Variants in BMPR1A observed in about 807,000 individuals in gnomAD.
The protein encoded by BMPR1A is bone morphogenetic protein receptor type-1A.
In BMPR1A, 7 loss-of-function variants were observed where a neutral mutation model predicts 66.0. That is an observed-to-expected ratio of 0.11 (90% CI 0.06 to 0.20). The LOEUF is 0.20. BMPR1A is among the 10% of genes least tolerant of loss of function. The pLI, the probability that BMPR1A is intolerant of heterozygous loss-of-function variation, is 1.00. For synonymous variants in BMPR1A, 200 were observed against 229.7 expected, an observed-to-expected ratio of 0.87 and a Z score of 1.17; for missense variants, 408 against 669.1, an observed-to-expected ratio of 0.61 and a Z score of 4.31.
At chr10:86,864,418 C>A (rs1017895938) in intron 2 of BMPR1A, among the ~76,000 whole-genome samples, 1 of 152,206 alleles carries the variant, frequency 6.6e-6, no homozygotes, top group African/African-American at 2.4e-5. Flanking sequence ...CGTAGCCTGT[C>A]TAATGACTTC....
At chr10:86,915,899 G>A (rs1312103999) in intron 8 of BMPR1A, among the ~76,000 whole-genome samples, 3 of 152,132 alleles carry the variant, frequency 2.0e-5, no homozygotes, top group African/African-American at 7.2e-5. Flanking sequence ...AACAATCCAT[G>A]TACATCTTTT....
rs1203877111 is a variant in BMPR1A at position 86,924,587 on chromosome 10, A to G, written c.*868A>G. On this transcript the variant is annotated 3_prime_UTR_variant, in exon 13 of 13. Coordinates refer to ENST00000372037, the MANE Select transcript of BMPR1A (RefSeq NM_004329.3). ...GTTGGAGCTTCTATTGCCATGAACC[A>G]TGCTTACAAAGAAAGCACTTCTTAT... 2 of 233,386 alleles carry G rather than the reference A, an allele frequency of 8.6e-6. No homozygotes were observed. The highest frequency in any genetic ancestry group is 1.7e-5 in the Non-Finnish European group (2 of 118,090). 14.5% of individuals were successfully genotyped at this position (233,386 alleles called of 1,614,324 possible). A position where few individuals can be genotyped will look rare whatever the true frequency, so the allele number is the denominator to read the frequency against.
rs562846635 is a variant in BMPR1A at position 86,846,823 on chromosome 10, G to T, written c.-153+7844G>T. Among the ~76,000 whole-genome samples the T allele has an allele frequency of 4.6e-5, 7 of 152,160 alleles. No homozygotes were observed. The South Asian group carries it at 1.0e-3, about 23-fold the overall frequency. ...CGCTTTCAGGCTTTTTGATTATTCT[G>T]CAACTCCAGAAAAAGAGGCTGTTTA... On this transcript the variant is annotated intron_variant, in intron 2 of 12. Transcript: ENST00000372037.
chr10:86,787,733 G>T (rs1235999800), intron 1 of BMPR1A, among the ~76,000 whole-genome samples: 2 of 152,174 alleles, frequency 1.3e-5, no homozygotes, highest in African/African-American at 4.8e-5. Flanking sequence ...GGCTGGAGAG[G>T]CCTCAGGAAA....
chr10:86,757,905 TTTTACG>T (rs1190945394), intron 1 of BMPR1A, among the ~76,000 whole-genome samples: 6 of 152,216 alleles, frequency 3.9e-5, no homozygotes, highest in Non-Finnish European at 8.8e-5. Flanking sequence ...TTGCAAACAC[TTTTACG>T]TTTAGGAACA....
intron 1 of BMPR1A, among the ~76,000 whole-genome samples, chr10:86,822,104 A>G (rs1842128194): frequency 6.6e-6 from 1 of 152,168 alleles, no homozygotes; most frequent in Non-Finnish European, 1.5e-5. Context: ...CTGGGATTAC[A>G]GACCCGAGCC....
chr10:86,791,554 C>T (rs180837626), intron 1 of BMPR1A, among the ~76,000 whole-genome samples: 20 of 151,548 alleles, frequency 1.3e-4, no homozygotes, highest in Non-Finnish European at 2.2e-4. Flanking sequence ...AGTAGAAATT[C>T]ACTAAGTGAT....
intron 1 of BMPR1A, among the ~76,000 whole-genome samples, chr10:86,821,583 A>G (rs1202085148): frequency 6.6e-6 from 1 of 152,060 alleles, no homozygotes; most frequent in Non-Finnish European, 1.5e-5. Flanking sequence ...TATACCTCCC[A>G]AGGCTGTACA....
chr10:86,808,098 C>A (rs1841917475), intron 1 of BMPR1A, among the ~76,000 whole-genome samples: 1 of 151,938 alleles, frequency 6.6e-6, no homozygotes, highest in African/African-American at 2.4e-5. Context: ...TAGATATAGG[C>A]CTATTTGGAT....
At chr10:86,837,247 C>CTGTGTGTATGTGTGTCTGTGTG (rs1842363956) in intron 1 of BMPR1A, among the ~76,000 whole-genome samples, 1 of 138,106 alleles carries the variant, frequency 7.2e-6, no homozygotes, top group African/African-American at 2.7e-5. Flanking sequence ...GTGTGTGTGT[C>CTGTGTGTATGTGTGTCTGTGTG]TGTGTGTGTG....
chr10:86,799,507 T>TTCCTTCC (rs1218527339), intron 1 of BMPR1A, among the ~76,000 whole-genome samples: 634 of 43,922 alleles, frequency 0.014, 4 homozygotes, highest in African/African-American at 0.052. Context: ...CCTTCCTTCC[T>TTCCTTCC]TTCTTTTCTT....
chr10:86,839,670 T>A (rs1477134606), intron 2 of BMPR1A, among the ~76,000 whole-genome samples: 1 of 151,274 alleles, frequency 6.6e-6, no homozygotes, highest in Non-Finnish European at 1.5e-5. Flanking sequence ...CTTTTTAGAA[T>A]TCAGAATTTT....
At chr10:86,756,436 T>C (rs1375762900), upstream of BMPR1A, 1 of 151,618 alleles carries the variant, frequency 6.6e-6, no homozygotes, top group Non-Finnish European at 1.5e-5. Flanking sequence ...CCGCGAACTC[T>C]TCGGGCGCTT....
At chr10:86,832,130 T>G in intron 1 of BMPR1A, among the ~76,000 whole-genome samples, 1 of 152,216 alleles carries the variant, frequency 6.6e-6, no homozygotes, top group East Asian at 1.9e-4. Context: ...AGTCTGTGAA[T>G]GCCCTTCTAA....
intron 3 of BMPR1A, among the ~76,000 whole-genome samples, chr10:86,883,396 A>C (rs1843018898): frequency 6.6e-6 from 1 of 151,458 alleles, no homozygotes; most frequent in Non-Finnish European, 1.5e-5. Context: ...TACAAATACA[A>C]AAAATTAGCC....
At chr10:86,822,522 G>A (rs971390246) in intron 1 of BMPR1A, among the ~76,000 whole-genome samples, 1 of 152,220 alleles carries the variant, frequency 6.6e-6, no homozygotes, top group African/African-American at 2.4e-5. Flanking sequence ...AATGTTTAGA[G>A]TCTGGCTGAT....
chr10:86,855,021 C>G (rs893593462), intron 2 of BMPR1A: 3 of 207,410 alleles, frequency 1.4e-5, no homozygotes, highest in African/African-American at 4.6e-5. Context: ...CCTGCAACCT[C>G]AGCTGCTTGG....
chr10:86,929,477 C>T (rs1843788502), downstream of BMPR1A: 1 of 152,188 alleles, frequency 6.6e-6, no homozygotes, highest in Non-Finnish European at 1.5e-5. Flanking sequence ...GAATTCATCC[C>T]AGCAGTGTGC....
At chr10:86,882,881 G>A (rs942280309) in intron 3 of BMPR1A, among the ~76,000 whole-genome samples, 3 of 151,660 alleles carry the variant, frequency 2.0e-5, no homozygotes, top group Non-Finnish European at 4.4e-5. Context: ...CAGGAGAATC[G>A]CTTGAACCTG....
Sources: gnomAD v4.1 joint callset for allele counts (sites outside exome capture counted in the v4.1 genomes callset) on GRCh38, gnomAD v4.1.1 for gene constraint, MANE v1.5 for transcripts, NCBI Gene and HGNC (gene_info 2026-07-23, HGNC 2026-07-21) for gene names.